GALNT13: variants seen among roughly 807,000 people sequenced by gnomAD.
GALNT13 encodes polypeptide N-acetylgalactosaminyltransferase 13.
In GALNT13, 28 loss-of-function variants were observed where a neutral mutation model predicts 64.2. The observed-to-expected ratio is 0.44, with a 90% CI of 0.32 to 0.60. The LOEUF is 0.60. GALNT13 is among the 20% of genes least tolerant of loss of function. The probability of loss-of-function intolerance (pLI) is 0.05; values close to 1 mark genes in which losing one functional copy is unlikely to be tolerated. For missense variants in GALNT13, 577 were observed against 669.8 expected, an observed-to-expected ratio of 0.86 and a Z score of 1.53; for synonymous variants, 214 against 224.6, an observed-to-expected ratio of 0.95 and a Z score of 0.42.
At chr2:153,651,620 C>T in the GALNT13 span, among the ~76,000 whole-genome samples, 1 of 152,136 alleles carries the variant, frequency 6.6e-6, no homozygotes, top group Non-Finnish European at 1.5e-5. Context: ...GACAAATCCT[C>T]ATCACAGTAG....
chr2:154,111,128 C>G (rs549630869), intron 3 of GALNT13, among the ~76,000 whole-genome samples: 1 of 152,270 alleles, frequency 6.6e-6, no homozygotes, highest in Non-Finnish European at 1.5e-5. Flanking sequence ...GTCATGTGTT[C>G]GTAGGTGGTA....
intron 11 of GALNT13, among the ~76,000 whole-genome samples, chr2:154,413,268 A>T (rs114560231): frequency 0.011 from 1,603 of 151,994 alleles, 26 homozygotes; most frequent in African/African-American, 0.036. Flanking sequence ...TGGAAACCTA[A>T]CATAGAAACA....
At chr2:153,545,594 G>C in the GALNT13 span, among the ~76,000 whole-genome samples, 1 of 152,160 alleles carries the variant, frequency 6.6e-6, no homozygotes, top group Admixed American at 6.5e-5. Context: ...AGTATGCAAG[G>C]CCCAGCAGCC....
At chr2:154,273,356 C>T (rs906844029) in intron 8 of GALNT13, among the ~76,000 whole-genome samples, 1 of 152,038 alleles carries the variant, frequency 6.6e-6, no homozygotes, top group Non-Finnish European at 1.5e-5. Flanking sequence ...ATGCAAAAGG[C>T]CTTATGCAGC....
the GALNT13 span, among the ~76,000 whole-genome samples, chr2:153,423,265 A>T: frequency 6.6e-6 from 1 of 151,900 alleles, no homozygotes; most frequent in Non-Finnish European, 1.5e-5. Context: ...AATTTTTAAA[A>T]CATATGATTA....
the GALNT13 span, among the ~76,000 whole-genome samples, chr2:153,637,451 T>A: frequency 1.3e-5 from 2 of 152,146 alleles, no homozygotes; most frequent in South Asian, 4.1e-4. Flanking sequence ...CATCTACATT[T>A]TGTTACTGAT....
intron 9 of GALNT13, among the ~76,000 whole-genome samples, chr2:154,368,915 C>A (rs1263416357): frequency 4.6e-5 from 7 of 151,920 alleles, no homozygotes; most frequent in Admixed American, 4.6e-4. Context: ...ATTTTGCTGG[C>A]CTTAAACCAC....
At chr2:153,607,865 A>G in the GALNT13 span, among the ~76,000 whole-genome samples, 1 of 152,158 alleles carries the variant, frequency 6.6e-6, no homozygotes. Flanking sequence ...TAATGCCATT[A>G]TTTAATTTTC....
chr2:154,248,416 GTTTCC>G (rs1689898661), intron 7 of GALNT13, among the ~76,000 whole-genome samples: 1 of 151,820 alleles, frequency 6.6e-6, no homozygotes, highest in Non-Finnish European at 1.5e-5. Context: ...GTAATATATA[GTTTCC>G]TTTAATCAGT....
chr2:153,974,322 T>C (rs1693937546), intron 3 of GALNT13, among the ~76,000 whole-genome samples: 1 of 152,132 alleles, frequency 6.6e-6, no homozygotes, highest in Non-Finnish European at 1.5e-5. Context: ...TACTTTTGTA[T>C]GAGACAGATT....
intron 10 of GALNT13, among the ~76,000 whole-genome samples, chr2:154,397,846 T>A (rs1485409798): frequency 6.6e-6 from 1 of 152,236 alleles, no homozygotes; most frequent in East Asian, 1.9e-4. Flanking sequence ...AGCATTGATT[T>A]TACCACTTTC....
chr2:154,137,984 C>T (rs1385193468), intron 3 of GALNT13, among the ~76,000 whole-genome samples: 1 of 152,002 alleles, frequency 6.6e-6, no homozygotes, highest in Non-Finnish European at 1.5e-5. Flanking sequence ...CCACCCCTTC[C>T]CACTGTATTA....
At chr2:153,382,318 G>GC in the GALNT13 span, among the ~76,000 whole-genome samples, 9 of 152,022 alleles carry the variant, frequency 5.9e-5, no homozygotes, top group African/African-American at 1.7e-4. Context: ...TCAACCAGTG[G>GC]CCCCCTCCTT....
At chr2:154,155,556 A>G (rs1684363946) in intron 4 of GALNT13, among the ~76,000 whole-genome samples, 1 of 152,002 alleles carries the variant, frequency 6.6e-6, no homozygotes, top group Admixed American at 6.6e-5. Context: ...TTACAATAGT[A>G]TTTTGCTGAG....
intron 9 of GALNT13, among the ~76,000 whole-genome samples, chr2:154,340,296 C>A (rs977204882): frequency 6.6e-6 from 1 of 152,068 alleles, no homozygotes; most frequent in Non-Finnish European, 1.5e-5. Flanking sequence ...CACTATGTTA[C>A]GCAGAGGGCC....
At chr2:154,010,272 C>A (rs66498363) in intron 3 of GALNT13, among the ~76,000 whole-genome samples, 2 of 152,186 alleles carry the variant, frequency 1.3e-5, no homozygotes, top group African/African-American at 4.8e-5. Context: ...TGCTTCAATG[C>A]CCAGTTTGTT....
chr2:153,690,377 T>A, the GALNT13 span, among the ~76,000 whole-genome samples: 2 of 152,250 alleles, frequency 1.3e-5, no homozygotes, highest in Non-Finnish European at 2.9e-5. Flanking sequence ...GTATTTATAG[T>A]CAAGCCTCTC....
chr2:153,963,165 G>A (rs1027737813), intron 3 of GALNT13, among the ~76,000 whole-genome samples: 10 of 152,140 alleles, frequency 6.6e-5, no homozygotes, highest in Admixed American at 3.9e-4. Flanking sequence ...GTCTTTATGT[G>A]CCACTATAAA....
intron 1 of GALNT13, among the ~76,000 whole-genome samples, chr2:153,895,944 GAT>G (rs1399374179): frequency 6.7e-6 from 1 of 150,316 alleles, no homozygotes; most frequent in Non-Finnish European, 1.5e-5. Context: ...GATAAAAAAA[GAT>G]ATTGTCACAC....
Sources: allele counts gnomAD v4.1 joint callset (sites outside exome capture counted in the v4.1 genomes callset), GRCh38; gene constraint gnomAD v4.1.1; transcripts MANE v1.5; gene names NCBI Gene and HGNC (gene_info 2026-07-23, HGNC 2026-07-21).